The following ASIC2 variants were observed in gnomAD, a reference collection of about 807,000 sequenced individuals.
ASIC2 encodes the protein acid sensing ion channel subunit 2, also known as acid-sensing ion channel 2.
ASIC2 carries 25 observed loss-of-function variants against 57.3 expected under a neutral mutation model. The observed-to-expected ratio is 0.44, with a 90% CI of 0.32 to 0.61. The LOEUF is 0.61. Among genes scored for constraint, ASIC2 ranks in the 20% least tolerant of loss-of-function variants. ASIC2 has a pLI of 0.06. For missense variants in ASIC2, 641 were observed against 738.1 expected (o/e 0.87, Z 1.52); for synonymous variants, 319 against 307.5 (o/e 1.04, Z -0.39).
chr17:33,662,641 A>AAAT (rs1555550499), intron 1 of ASIC2, among the ~76,000 whole-genome samples: 1 of 135,648 alleles, frequency 7.4e-6, no homozygotes, highest in African/African-American at 2.8e-5. Flanking sequence ...ATAAATAAAT[A>AAAT]AATAAATAAA....
At chr17:34,006,823 ATTG>A (rs935681513) in intron 1 of ASIC2, 10 of 152,046 alleles carry the variant, frequency 6.6e-5, no homozygotes, top group African/African-American at 2.4e-4. Context: ...CGTTGTTGTT[ATTG>A]TTGTTGGTGG....
chr17:33,360,367 G>A (rs1016657331), intron 1 of ASIC2, among the ~76,000 whole-genome samples: 7 of 152,198 alleles, frequency 4.6e-5, no homozygotes, highest in Admixed American at 6.5e-5. Context: ...AACTGGACCT[G>A]CCTTGTTGGG....
chr17:33,110,191 T>C (rs2092251277), intron 2 of ASIC2, among the ~76,000 whole-genome samples: 1 of 152,192 alleles, frequency 6.6e-6, no homozygotes, highest in South Asian at 2.1e-4. Context: ...TCATTTTATT[T>C]CCTTATTTCT....
At chr17:33,874,862 T>C (rs1009719675) in intron 1 of ASIC2, among the ~76,000 whole-genome samples, 5 of 152,202 alleles carry the variant, frequency 3.3e-5, no homozygotes, top group African/African-American at 1.2e-4. Flanking sequence ...TTTCTAACCA[T>C]GTGGCTGGCT....
chr17:33,276,602 T>C (rs1020322394), intron 1 of ASIC2, among the ~76,000 whole-genome samples: 5 of 152,252 alleles, frequency 3.3e-5, no homozygotes, highest in African/African-American at 1.2e-4. Flanking sequence ...TAGCAGCTCA[T>C]CCTCGCAGGA....
intron 1 of ASIC2, among the ~76,000 whole-genome samples, chr17:33,682,424 T>G (rs1395585992): frequency 6.6e-6 from 1 of 152,068 alleles, no homozygotes; most frequent in Non-Finnish European, 1.5e-5. Flanking sequence ...GAGCTCCATT[T>G]TCCCATTTTC....
At chr17:34,005,079 C>T (rs2142017489) in intron 1 of ASIC2, 1 of 152,268 alleles carries the variant, frequency 6.6e-6, no homozygotes, top group South Asian at 2.1e-4. Context: ...GGGGTGAGCA[C>T]AGCCCCCTTT....
chr17:34,146,646 TGGTGGGGA>T (rs1912425119), intron 1 of ASIC2: 5 of 152,258 alleles, frequency 3.3e-5, no homozygotes, highest in Admixed American at 3.3e-4. Flanking sequence ...TGCCCCCAGG[TGGTGGGGA>T]GGTGAATAAC....
At chr17:34,045,956 T>G (rs9891661) in intron 1 of ASIC2, among the ~76,000 whole-genome samples, 1,721 of 152,320 alleles carry the variant, frequency 0.011, 32 homozygotes, top group African/African-American at 0.039. Context: ...TATAGGGTTT[T>G]GGGGACCAGA....
chr17:33,435,143 C>A (rs1911563537), intron 1 of ASIC2, among the ~76,000 whole-genome samples: 1 of 152,110 alleles, frequency 6.6e-6, no homozygotes, highest in Admixed American at 6.5e-5. Context: ...AGTATGAATA[C>A]AGTGTATAAA....
chr17:33,133,854 C>T (rs1262207022), intron 1 of ASIC2, among the ~76,000 whole-genome samples: 2 of 152,170 alleles, frequency 1.3e-5, no homozygotes, highest in Non-Finnish European at 2.9e-5. Context: ...AGAGAGACAT[C>T]AATGCAAGGA....
chr17:33,142,465 A>T (rs1258704220), intron 1 of ASIC2, among the ~76,000 whole-genome samples: 1 of 152,240 alleles, frequency 6.6e-6, no homozygotes, highest in East Asian at 1.9e-4. Context: ...GTATTCTTTT[A>T]TAAAGGATTA....
intron 6 of ASIC2, among the ~76,000 whole-genome samples, chr17:33,023,179 A>G (rs2091844556): frequency 6.6e-6 from 1 of 152,094 alleles, no homozygotes; most frequent in Non-Finnish European, 1.5e-5. Flanking sequence ...TGCCTGGAAA[A>G]CTATACATCC....
intron 2 of ASIC2, among the ~76,000 whole-genome samples, chr17:33,109,531 C>T (rs1597581938): frequency 1.3e-5 from 2 of 152,182 alleles, no homozygotes; most frequent in East Asian, 3.9e-4. Context: ...CCAGGGATGA[C>T]TCAAACTCTC....
intron 1 of ASIC2, among the ~76,000 whole-genome samples, chr17:34,063,579 G>A (rs761533214): frequency 3.3e-5 from 5 of 152,096 alleles, no homozygotes; most frequent in Non-Finnish European, 7.4e-5. Context: ...AAGTCAAACT[G>A]TCACTATTTG....
At chr17:33,082,902 C>A (rs1256254319) in intron 3 of ASIC2, among the ~76,000 whole-genome samples, 3 of 151,762 alleles carry the variant, frequency 2.0e-5, no homozygotes, top group Admixed American at 6.6e-5. Flanking sequence ...TGCTGGCTCT[C>A]TTATCTGTTC....
intron 1 of ASIC2, among the ~76,000 whole-genome samples, chr17:33,723,275 A>G (rs956656228): frequency 4.6e-5 from 7 of 152,210 alleles, no homozygotes; most frequent in African/African-American, 1.7e-4. Flanking sequence ...AAACACATGG[A>G]TGATTTCATT....
intron 1 of ASIC2, among the ~76,000 whole-genome samples, chr17:33,801,963 T>C (rs190785522): frequency 1.3e-5 from 2 of 152,314 alleles, no homozygotes; most frequent in Admixed American, 1.3e-4. Context: ...ATTCAAACTA[T>C]TCTCTAAAAT....
chr17:33,512,210 G>A (rs921751363), intron 1 of ASIC2, among the ~76,000 whole-genome samples: 2 of 152,184 alleles, frequency 1.3e-5, no homozygotes, highest in African/African-American at 2.4e-5. Context: ...AAACTCTGCA[G>A]TCACTATCTA....
Sources: allele counts gnomAD v4.1 joint callset (sites outside exome capture counted in the v4.1 genomes callset), GRCh38; gene constraint gnomAD v4.1.1; transcripts MANE v1.5; gene names NCBI Gene and HGNC (gene_info 2026-07-23, HGNC 2026-07-21).